Variants in DLEC1 observed in about 807,000 individuals in gnomAD.
The protein encoded by DLEC1 is DLEC1 cilia and flagella associated protein, also known as deleted in lung and esophageal cancer protein 1.
A neutral mutation model predicts 198.1 loss-of-function variants in DLEC1; 146 were observed. The observed-to-expected ratio is 0.74, with a 90% CI of 0.64 to 0.85. DLEC1 has a LOEUF of 0.85. Among genes scored for constraint, DLEC1 ranks in the 40% least tolerant of loss-of-function variants. The pLI, the probability that DLEC1 is intolerant of heterozygous loss-of-function variation, is 0.00. For missense variants in DLEC1, 2,233 were observed against 2,220.0 expected, an observed-to-expected ratio of 1.01 and a Z score of -0.12; for synonymous variants, 897 against 866.8, an observed-to-expected ratio of 1.03 and a Z score of -0.61.
chr3:38,089,174 C>G (rs1352943602), intron 10 of DLEC1, among the ~76,000 whole-genome samples: 1 of 152,202 alleles, frequency 6.6e-6, no homozygotes, highest in Non-Finnish European at 1.5e-5. Flanking sequence ...GCCATATCAC[C>G]AGGTAGTGAG....
chr3:38,075,382 A>T (rs1697553954), intron 6 of DLEC1, among the ~76,000 whole-genome samples: 1 of 152,132 alleles, frequency 6.6e-6, no homozygotes, highest in Non-Finnish European at 1.5e-5. Context: ...TCAAGTTTGT[A>T]TTGGGGCCAA....
At chr3:38,121,515 C>A in intron 34 of DLEC1, 113 bp from the exon 35 acceptor site, 1 of 1,385,192 alleles carries the variant, frequency 7.2e-7, no homozygotes, top group African/African-American at 1.4e-5. Context: ...CTTCTGGGAG[C>A]TTCCCGTTTT....
At chr3:38,100,224 C>T in intron 18 of DLEC1, 62 bp from the exon 19 acceptor site, 1 of 1,527,132 alleles carries the variant, frequency 6.5e-7, no homozygotes, top group Non-Finnish European at 8.8e-7. Flanking sequence ...TGGCCAGCCC[C>T]CAGTTCCTCT....
chr3:38,087,565 C>A (rs111258830), intron 9 of DLEC1, among the ~76,000 whole-genome samples: 1 of 150,236 alleles, frequency 6.7e-6, no homozygotes, highest in African/African-American at 2.5e-5. Context: ...CACCATCCAT[C>A]AGCACTGACA....
intron 20 of DLEC1, 113 bp from the exon 21 acceptor site, chr3:38,108,292 G>T (rs1035450209): frequency 6.9e-6 from 6 of 863,970 alleles, no homozygotes; most frequent in African/African-American, 6.7e-5. Context: ...TTTGCTGTGG[G>T]CCCCAGTCTG....
chr3:38,049,940 A>G (rs1170561639), intron 2 of DLEC1, among the ~76,000 whole-genome samples: 1 of 152,214 alleles, frequency 6.6e-6, no homozygotes, highest in Non-Finnish European at 1.5e-5. Context: ...GGCACCTCCC[A>G]CTTGTGCTTC....
Position 38,112,164 on chromosome 3 carries a change from C to T in DLEC1, c.3515-46C>T. The T allele has an allele frequency of 6.2e-7, 1 of 1,612,020 alleles. No homozygotes were observed. The highest frequency in any genetic ancestry group is 8.5e-7 in the Non-Finnish European group (1 of 1,178,808). ...ACACACGAGGGTTTGGACCTCACTC[C>T]CAACCCCAGGCCCGTGAATCCCCCA... On this transcript the variant is annotated intron_variant, in intron 24 of 36. Transcript: ENST00000308059. The surrounding 1 kb of genome is among the most constrained non-coding windows in gnomAD (Gnocchi z 4.8).
Position 38,123,104 on chromosome 3 carries a change from G to A in DLEC1, c.*692G>A. The stretch of plus-strand genomic sequence containing the variant: ...CTCCCATTCCAGTCCCGATGCACAT[G>A]GACACCACTCCGTATGCCCTGTGAA... On this transcript the variant is annotated 3_prime_UTR_variant, in exon 37 of 37. Coordinates refer to ENST00000308059, the MANE Select transcript of DLEC1 (RefSeq NM_007335.4). The A allele has an allele frequency of 6.2e-7, 1 of 1,614,158 alleles. No homozygotes were observed. The highest frequency in any genetic ancestry group is 8.5e-7 in the Non-Finnish European group (1 of 1,180,036).
intron 26 of DLEC1, 139 bp downstream of exon 26, chr3:38,114,599 C>A: frequency 2.4e-6 from 2 of 825,728 alleles, no homozygotes; most frequent in Non-Finnish European, 1.9e-6. Context: ...AGGTTCCAGG[C>A]CAGGGTTTCC....
rs778738176 is a variant in DLEC1 at position 38,108,414 on chromosome 3, C to T, written c.3028C>T (p.His1010Tyr). The change falls in exon 21 of 37, where the codon CAC (histidine) becomes TAC (tyrosine). Residue 1010 changes from histidine to tyrosine, a missense_variant. His to Tyr is a moderately conservative substitution (Grantham distance 83). Coordinates refer to ENST00000308059, the MANE Select transcript of DLEC1 (RefSeq NM_007335.4). ...CTCATGTGTCTGCCAGCTCCTCGGACACCAAGCAGAATTCTGCATGGTGAC... is the reference window on the plus strand; with the variant it reads ...CTCATGTGTCTGCCAGCTCCTCGGATACCAAGCAGAATTCTGCATGGTGAC... ...TQFHWGKLLG[H>Y]QAEFCMVTVS... 4.3e-6 allele frequency: 7 copies of T among 1,613,892 alleles called. No individual in the cohort carries two copies. The highest frequency in any genetic ancestry group is 2.2e-5 in the South Asian group (2 of 91,056).
intron 22 of DLEC1, 53 bp downstream of exon 22, chr3:38,109,615 G>A: frequency 1.9e-6 from 3 of 1,610,754 alleles, no homozygotes; most frequent in Non-Finnish European, 2.5e-6. Context: ...GAATGAGGCA[G>A]CCGCGCCCAG....
chr3:38,113,716 C>A (rs1378046564), intron 25 of DLEC1, among the ~76,000 whole-genome samples: 1 of 151,542 alleles, frequency 6.6e-6, no homozygotes, highest in African/African-American at 2.4e-5. Context: ...AATAATAATC[C>A]TATATTGTTA....
chr3:38,120,621 G>A lies in DLEC1; in HGVS notation c.4866+12G>A, dbSNP rs1427397441. The A allele has an allele frequency of 1.9e-6, 3 of 1,612,668 alleles. No individual in the cohort carries two copies. In the South Asian group the frequency reaches 3.3e-5, roughly 18 times the overall value. ...ACCAGACCACTCAGGCACGCCCCAGGCCCACCTACATGTGGAGGAGGGTGG... is the reference window on the plus strand; with the variant it reads ...ACCAGACCACTCAGGCACGCCCCAGACCCACCTACATGTGGAGGAGGGTGG... On this transcript the variant is annotated intron_variant, in intron 34 of 36. Transcript: ENST00000308059.
rs1700222640 is a variant in DLEC1, at chr3:38,117,203, A to G, written c.4306-5A>G. The G allele has an allele frequency of 6.2e-7, 1 of 1,614,042 alleles. No individual in the cohort carries two copies. The highest frequency in any genetic ancestry group is 1.3e-5 in the African/African-American group (1 of 74,926). On this transcript the variant is annotated splice_region_variant and splice_polypyrimidine_tract_variant and intron_variant, in intron 30 of 36. Coordinates refer to ENST00000308059, the MANE Select transcript of DLEC1 (RefSeq NM_007335.4). Reference sequence around the variant, plus strand: ...ATCAGCTGTGATCAGACTTGGGCTCAGTAGGTGGAAAGGGAGATTCCAGGG... The same window carrying G: ...ATCAGCTGTGATCAGACTTGGGCTCGGTAGGTGGAAAGGGAGATTCCAGGG...
At chr3:38,074,831 T>G (rs1233983956) in intron 6 of DLEC1, among the ~76,000 whole-genome samples, 4 of 152,156 alleles carry the variant, frequency 2.6e-5, no homozygotes, top group Admixed American at 6.5e-5. Context: ...CTGTATATAT[T>G]TAGTGGGGTC....
intron 10 of DLEC1, among the ~76,000 whole-genome samples, chr3:38,091,803 G>A (rs1357736038): frequency 6.6e-6 from 1 of 152,086 alleles, no homozygotes; most frequent in Non-Finnish European, 1.5e-5. Flanking sequence ...ACCACAGTGA[G>A]CTCCCACCTG....
At chr3:38,108,624 G>A (rs1027327978) in intron 21 of DLEC1, 109 bp downstream of exon 21, 3 of 847,932 alleles carry the variant, frequency 3.5e-6, no homozygotes, top group African/African-American at 1.7e-5. Flanking sequence ...GGTTCTTGTG[G>A]GTGGGGAAGA....
chr3:38,063,825 T>G lies in DLEC1; in HGVS notation c.1095-16T>G, dbSNP rs1241088343. The G allele has an allele frequency of 6.2e-7, 1 of 1,608,078 alleles. No individual in the cohort carries two copies. Among genetic ancestry groups the G allele is most frequent in the South Asian group, 1.1e-5 (1 of 90,580 alleles). ...GAAACTAACAGCCTTTCTCCCCCTC[T>G]TTTTTCATCCCACAGTTGTGCTGAT... On this transcript the variant is annotated splice_polypyrimidine_tract_variant and intron_variant, in intron 5 of 36. Transcript: ENST00000308059.
chr3:38,095,628 T>G, intron 13 of DLEC1: 2 of 499,564 alleles, frequency 4.0e-6, no homozygotes, highest in Non-Finnish European at 7.2e-6. Context: ...GTTGAGGGGC[T>G]TTGTCAGCAT....
Sources: gnomAD v4.1 joint callset for allele counts (sites outside exome capture counted in the v4.1 genomes callset) on GRCh38, gnomAD v4.1.1 for gene constraint, Gnocchi (gnomAD v3.1) non-coding constraint, MANE v1.5 for transcripts, NCBI Gene and HGNC (gene_info 2026-07-23, HGNC 2026-07-21) for gene names.